CYP4X1: variants seen among roughly 807,000 people sequenced by gnomAD.
CYP4X1 encodes cytochrome P450 family 4 subfamily X member 1.
A neutral mutation model predicts 57.9 loss-of-function variants in CYP4X1; 44 were observed. The ratio of observed to expected loss-of-function variants is 0.76; its 90% CI spans 0.60 to 0.98. The LOEUF is 0.98. Ranked by LOEUF, CYP4X1 falls within the 50% of genes least tolerant of loss-of-function variation. The probability of loss-of-function intolerance (pLI) is 0.00; values close to 1 mark genes in which losing one functional copy is unlikely to be tolerated. For synonymous variants in CYP4X1, 227 were observed against 228.6 expected (o/e 0.99, Z 0.06); for missense variants, 532 against 623.9 (o/e 0.85, Z 1.57).
At chr1:47,033,641 G>A (rs1037781250) in intron 4 of CYP4X1, among the ~76,000 whole-genome samples, 2 of 152,186 alleles carry the variant, frequency 1.3e-5, no homozygotes, top group African/African-American at 4.8e-5. Context: ...TAGATAGTAA[G>A]TGCTGTAGAT....
At chr1:46,963,971 C>T in the CYP4X1 span, among the ~76,000 whole-genome samples, 43 of 152,330 alleles carry the variant, frequency 2.8e-4, 1 homozygote, top group East Asian at 4.2e-3. Context: ...CTAAACTTCT[C>T]TTCTCACTTC....
chr1:47,043,883 C>A (rs1644273608), intron 8 of CYP4X1, among the ~76,000 whole-genome samples: 1 of 152,088 alleles, frequency 6.6e-6, no homozygotes, highest in Non-Finnish European at 1.5e-5. Context: ...TGTCTTAAAG[C>A]CTAATTTGTC....
chr1:46,977,499 A>G, the CYP4X1 span, among the ~76,000 whole-genome samples: 1 of 152,164 alleles, frequency 6.6e-6, no homozygotes, highest in Non-Finnish European at 1.5e-5. Flanking sequence ...TCTACATCAG[A>G]TTGGTGTACT....
chr1:47,003,202 C>T, the CYP4X1 span: 1 of 152,136 alleles, frequency 6.6e-6, no homozygotes, highest in Non-Finnish European at 1.5e-5. Flanking sequence ...TCATTTAGTT[C>T]TCATCATTGG....
At chr1:47,042,100 A>G (rs1391775497) in intron 8 of CYP4X1, among the ~76,000 whole-genome samples, 1 of 151,984 alleles carries the variant, frequency 6.6e-6, no homozygotes, top group Non-Finnish European at 1.5e-5. Flanking sequence ...GTGTGGGTGT[A>G]TTTCTGGACT....
chr1:47,036,370 T>TTTTATATATA (rs1553152517), intron 6 of CYP4X1, among the ~76,000 whole-genome samples, 199 bp downstream of exon 6: 1 of 129,824 alleles, frequency 7.7e-6, no homozygotes, highest in African/African-American at 2.8e-5. Context: ...ATCAGAATTT[T>TTTTATATATA]TATATATATA....
the CYP4X1 span, among the ~76,000 whole-genome samples, chr1:46,981,430 A>T: frequency 6.6e-6 from 1 of 152,222 alleles, no homozygotes; most frequent in South Asian, 2.1e-4. Flanking sequence ...AACCACAATG[A>T]GATACCATCT....
chr1:47,038,833 G>A (rs1029391005), intron 7 of CYP4X1, 67 bp downstream of exon 7: 17 of 1,277,480 alleles, frequency 1.3e-5, no homozygotes, highest in Non-Finnish European at 1.7e-5. Flanking sequence ...TGGGTAAGTG[G>A]GAATGGGATG....
rs1272199382 is a variant in CYP4X1, at chr1:47,033,341, G to A, written c.465G>A (p.Val155=). 5 of 1,613,684 alleles carry A rather than the reference G, an allele frequency of 3.1e-6. No homozygotes were observed. The African/African-American group carries it at 6.7e-5, about 22-fold the overall frequency. ...ACATCCTGAAAGCATACATTGAGGT[G>A]ATGGCTCATTCTGTGAAAATGATGC... ...HFNILKAYIE[V]MAHSVKMMLD... The change falls in exon 4 of 12, where the codon GTG becomes GTA. Residue 155 remains valine, a synonymous_variant. Transcript: ENST00000371901.
chr1:46,966,493 T>C, the CYP4X1 span, among the ~76,000 whole-genome samples: 2 of 152,232 alleles, frequency 1.3e-5, no homozygotes, highest in Admixed American at 1.3e-4. Flanking sequence ...GTACAATCAG[T>C]CACTGCTTCT....
chr1:47,029,950 C>T (rs1199606178), intron 1 of CYP4X1, 40 bp from the exon 2 acceptor site: 1 of 1,603,980 alleles, frequency 6.2e-7, no homozygotes, highest in Non-Finnish European at 8.5e-7. Flanking sequence ...GGGACAGGTC[C>T]AGCTTGGCTG....
chr1:46,979,377 A>G, the CYP4X1 span, among the ~76,000 whole-genome samples: 1 of 152,248 alleles, frequency 6.6e-6, no homozygotes, highest in African/African-American at 2.4e-5. Flanking sequence ...AAAACCTAGA[A>G]GACATGGATA....
At chr1:47,009,349 TC>T in the CYP4X1 span, among the ~76,000 whole-genome samples, 50 of 151,920 alleles carry the variant, frequency 3.3e-4, no homozygotes, top group Admixed American at 2.1e-3. Flanking sequence ...ATAAAGATGT[TC>T]TTTGAAACCA....
At chr1:46,989,161 G>T in the CYP4X1 span, among the ~76,000 whole-genome samples, 1 of 152,136 alleles carries the variant, frequency 6.6e-6, no homozygotes, top group African/African-American at 2.4e-5. Flanking sequence ...CATCATCTCA[G>T]TCCAAAATCT....
chr1:47,033,895 A>G (rs1644150797), intron 4 of CYP4X1, among the ~76,000 whole-genome samples: 1 of 152,234 alleles, frequency 6.6e-6, no homozygotes, highest in African/African-American at 2.4e-5. Context: ...ATTAATAGTA[A>G]GAACTTGCCC....
At chr1:47,017,640 C>T in the CYP4X1 span, among the ~76,000 whole-genome samples, 207 of 152,254 alleles carry the variant, frequency 1.4e-3, no homozygotes, top group African/African-American at 4.6e-3. Flanking sequence ...CCATTCTATT[C>T]AATGTCGTCC....
At chr1:47,006,637 G>T in the CYP4X1 span, among the ~76,000 whole-genome samples, 1 of 152,150 alleles carries the variant, frequency 6.6e-6, no homozygotes, top group Middle Eastern at 3.2e-3. Flanking sequence ...GTGAGTCATC[G>T]CGTCACCCAG....
the CYP4X1 span, among the ~76,000 whole-genome samples, chr1:46,992,621 T>C: frequency 6.6e-6 from 1 of 152,346 alleles, no homozygotes; most frequent in East Asian, 1.9e-4. Context: ...TGTATGTATA[T>C]AGGACATTCT....
At chr1:47,011,467 C>T in the CYP4X1 span, among the ~76,000 whole-genome samples, 1 of 152,112 alleles carries the variant, frequency 6.6e-6, no homozygotes, top group Non-Finnish European at 1.5e-5. Flanking sequence ...AGAAGAAAAC[C>T]TAGGCAATAC....
Sources: allele counts gnomAD v4.1 joint callset (sites outside exome capture counted in the v4.1 genomes callset), GRCh38; gene constraint gnomAD v4.1.1; transcripts MANE v1.5; gene names NCBI Gene and HGNC (gene_info 2026-07-23, HGNC 2026-07-21).